MRPS11: variants seen among roughly 807,000 people sequenced by gnomAD.
The protein encoded by MRPS11 is mitochondrial ribosomal protein S11.
In MRPS11, 27 loss-of-function variants were observed where a neutral mutation model predicts 24.3. The ratio of observed to expected loss-of-function variants is 1.11; its 90% CI spans 0.82 to 1.53. The LOEUF (loss-of-function observed/expected upper bound fraction) is 1.53. Among genes scored for constraint, MRPS11 ranks in the 40% most tolerant of loss-of-function variants. MRPS11 has a pLI of 0.00. For synonymous variants in MRPS11, 104 were observed against 98.7 expected (o/e 1.05, Z -0.32); for missense variants, 277 against 256.5 (o/e 1.08, Z -0.55).
chr15:88,474,281 C>T (rs1272715103), intron 3 of MRPS11, among the ~76,000 whole-genome samples: 1 of 152,028 alleles, frequency 6.6e-6, no homozygotes, highest in African/African-American at 2.4e-5. Flanking sequence ...AATATGAGGC[C>T]GGGCGAGGTG....
At position 88,475,829 on chromosome 15, in the gene MRPS11, C is replaced by T. The variant is rs530743165; in HGVS notation, c.411+590C>T. Among the ~76,000 whole-genome samples, 7 of 151,766 alleles carry T rather than the reference C, an allele frequency of 4.6e-5. No individual in the cohort carries two copies. The East Asian group carries it at 9.7e-4, about 21-fold the overall frequency. On this transcript the variant is annotated intron_variant, in intron 4 of 5. Transcript: ENST00000325844. This position sits in a 1 kb window ranked among gnomAD's most constrained non-coding sequence, Gnocchi z 4.1. ...AAAATTAGCTGGGCGTGGTGGTGCGCGCCTGTAGTCCCAGGTACTCGGGAG... is the reference window on the plus strand; with the variant it reads ...AAAATTAGCTGGGCGTGGTGGTGCGTGCCTGTAGTCCCAGGTACTCGGGAG...
chr15:88,467,998 C>G lies in MRPS11; in HGVS notation c.156C>G (p.Asn52Lys), dbSNP rs1186725832. ...DAAAKQKVEQ[N>K]AAPSHTKFSI... ...CGGCCAAGCAGAAAGTTGAACAGAACGCGGCTCCCAGCCACACCAAGTTCA... is the reference window on the plus strand; with the variant it reads ...CGGCCAAGCAGAAAGTTGAACAGAAGGCGGCTCCCAGCCACACCAAGTTCA... The change falls in exon 2 of 6, where the codon AAC becomes AAG. Residue 52 changes from asparagine to lysine, a missense_variant. Transcript: ENST00000325844. 6.2e-7 allele frequency: 1 copy of G among 1,606,954 alleles called. No homozygotes were observed. Among genetic ancestry groups the G allele is most frequent in the Non-Finnish European group, 8.5e-7 (1 of 1,177,196 alleles).
chr15:88,479,133 G>C lies in MRPS11; in HGVS notation c.*1154G>C, dbSNP rs1234211105. ...AGCAAGTTGATAAGGAACCTGGGTAGTGCTGGCAGTGGGGCACAACTCAGG... is the reference window on the plus strand; with the variant it reads ...AGCAAGTTGATAAGGAACCTGGGTACTGCTGGCAGTGGGGCACAACTCAGG... On this transcript the variant is annotated 3_prime_UTR_variant, in exon 6 of 6. Transcript: ENST00000325844. 1.3e-5 allele frequency: 2 copies of C among 152,228 alleles called. No individual in the cohort carries two copies. The highest frequency in any genetic ancestry group is 4.8e-5 in the African/African-American group (2 of 41,458). 9.4% of individuals were successfully genotyped at this position (152,228 alleles called of 1,614,324 possible).
At chr15:88,468,447 G>A in intron 2 of MRPS11, 2 of 1,024,120 alleles carry the variant, frequency 2.0e-6, no homozygotes, top group Non-Finnish European at 2.4e-6. Flanking sequence ...TCAGCCCTAG[G>A]AACTGGCATC....
At chr15:88,474,285 C>G (rs1038990296) in intron 3 of MRPS11, among the ~76,000 whole-genome samples, 6 of 152,236 alleles carry the variant, frequency 3.9e-5, no homozygotes, top group African/African-American at 1.4e-4. Flanking sequence ...TGAGGCCGGG[C>G]GAGGTGGCTC....
Position 88,478,604 on chromosome 15 carries a change from T to G in MRPS11, c.*625T>G, listed in dbSNP as rs2055871833. 1 of 153,760 alleles carries G rather than the reference T, an allele frequency of 6.5e-6. No individual in the cohort carries two copies. The highest frequency in any genetic ancestry group is 1.4e-5 in the Non-Finnish European group (1 of 69,256). 9.5% of individuals were successfully genotyped at this position (153,760 alleles called of 1,614,324 possible). On this transcript the variant is annotated 3_prime_UTR_variant, in exon 6 of 6. Transcript: ENST00000325844. The surrounding 1 kb of genome is among the most constrained non-coding windows in gnomAD (Gnocchi z 4.7). ...AAGTGGACAGTCAAACTCCCCACAC[T>G]AAAGTGGCAGTCATCGTTTACACTC...
chr15:88,475,043 T>G lies in MRPS11; in HGVS notation c.282-67T>G. 1 of 1,576,260 alleles carries G rather than the reference T, an allele frequency of 6.3e-7. No homozygotes were observed. Among genetic ancestry groups the G allele is most frequent in the South Asian group, 1.2e-5 (1 of 86,530 alleles). ...TTTCTCACCCAGGCTTCTAGGGGCATAGATTAGCTCTCTCTTATTTCCCTG... is the reference window on the plus strand; with the variant it reads ...TTTCTCACCCAGGCTTCTAGGGGCAGAGATTAGCTCTCTCTTATTTCCCTG... On this transcript the variant is annotated intron_variant, in intron 3 of 5. Transcript: ENST00000325844. The surrounding 1 kb of genome is among the most constrained non-coding windows in gnomAD (Gnocchi z 4.1).
At chr15:88,470,059 G>A (rs1302979768) in intron 2 of MRPS11, among the ~76,000 whole-genome samples, 3 of 152,190 alleles carry the variant, frequency 2.0e-5, no homozygotes, top group Non-Finnish European at 4.4e-5. Flanking sequence ...GCTCACACCT[G>A]TAATCCCAGC....
At chr15:88,472,333 A>G (rs1047335869) in intron 2 of MRPS11, 11 of 263,968 alleles carry the variant, frequency 4.2e-5, no homozygotes, top group Non-Finnish European at 8.0e-5. Context: ...TCTGAAAATA[A>G]TGAACACGGG....
At chr15:88,472,826 G>T in intron 3 of MRPS11, 101 bp downstream of exon 3, 1 of 921,174 alleles carries the variant, frequency 1.1e-6, no homozygotes, top group East Asian at 2.7e-5. Context: ...TAGAAGTGAG[G>T]GTGCTAAGTG....
At chr15:88,468,183 C>G in intron 2 of MRPS11, 159 bp downstream of exon 2, 2 of 1,446,694 alleles carry the variant, frequency 1.4e-6, no homozygotes, top group South Asian at 1.4e-5. Flanking sequence ...TCTAAAAATG[C>G]GGATAATGCT....
Position 88,480,529 on chromosome 15 carries a change from C to T in MRPS11, c.*2550C>T, listed in dbSNP as rs1022584254. ...ATAGTTTTTAAAATGTTATTTTACTCACAAGAGGGCTTTGGAAAGGAAGAT... is the reference window on the plus strand; with the variant it reads ...ATAGTTTTTAAAATGTTATTTTACTTACAAGAGGGCTTTGGAAAGGAAGAT... On this transcript the variant is annotated 3_prime_UTR_variant, in exon 6 of 6. Coordinates refer to ENST00000325844, the MANE Select transcript of MRPS11 (RefSeq NM_022839.5). This position sits in a 1 kb window ranked among gnomAD's most constrained non-coding sequence, Gnocchi z 5.1. The T allele has an allele frequency of 4.6e-5, 7 of 152,152 alleles. No homozygotes were observed. The highest frequency in any genetic ancestry group is 1.7e-4 in the African/African-American group (7 of 41,416). The allele number at this position is 152,152 out of a possible 1,614,324, so 9.4% of individuals were successfully genotyped here. A position where few individuals can be genotyped will look rare whatever the true frequency, so the allele number is the denominator to read the frequency against.
chr15:88,468,574 C>G, intron 2 of MRPS11: 18 of 912,670 alleles, frequency 2.0e-5, no homozygotes, highest in Non-Finnish European at 2.4e-5. Context: ...TGCTAGGTGC[C>G]GTGAATACAG....
chr15:88,471,084 C>T (rs1821552788), intron 2 of MRPS11, among the ~76,000 whole-genome samples: 1 of 152,152 alleles, frequency 6.6e-6, no homozygotes, highest in South Asian at 2.1e-4. Flanking sequence ...GTAGTGGGAG[C>T]TGGGAGAAAG....
chr15:88,469,014 A>T lies in MRPS11; in HGVS notation c.182+990A>T, dbSNP rs1314807932. The T allele has an allele frequency of 8.4e-6, 1 of 118,756 alleles. No individual in the cohort carries two copies. Among genetic ancestry groups the T allele is most frequent in the Non-Finnish European group, 1.6e-5 (1 of 63,398 alleles). 7.4% of individuals were successfully genotyped at this position (118,756 alleles called of 1,614,324 possible). On this transcript the variant is annotated intron_variant, in intron 2 of 5. Transcript: ENST00000325844. The surrounding 1 kb of genome is among the most constrained non-coding windows in gnomAD (Gnocchi z 4.4). ...GACAGATTGAGACTCTGTCTCAAAG[A>T]AAAAAAAAAAAAAAAAGAATAAGTG...
Position 88,469,488 on chromosome 15 carries a change from C to T in MRPS11, c.182+1464C>T, listed in dbSNP as rs1207858618. Among the ~76,000 whole-genome samples, 4 of 152,190 alleles carry T rather than the reference C, an allele frequency of 2.6e-5. No individual in the cohort carries two copies. Among genetic ancestry groups the T allele is most frequent in the South Asian group, 4.1e-4 (2 of 4,824 alleles). ...AAACAAGTAAAATGTAGGAGTATAA[C>T]GGTTGGAAAGGGGAAGTGGGGGTCA... On this transcript the variant is annotated intron_variant, in intron 2 of 5. Transcript: ENST00000325844. The surrounding 1 kb of genome is among the most constrained non-coding windows in gnomAD (Gnocchi z 4.4).
At chr15:88,476,696 T>G (rs2055829660) in intron 4 of MRPS11, 1 of 329,090 alleles carries the variant, frequency 3.0e-6, no homozygotes, top group Admixed American at 4.6e-5. Context: ...GGTCTGAAAT[T>G]CTGCATTTGC....
chr15:88,476,034 C>T (rs1052199792), intron 4 of MRPS11, among the ~76,000 whole-genome samples: 5 of 152,106 alleles, frequency 3.3e-5, no homozygotes, highest in Admixed American at 2.6e-4. Flanking sequence ...GACATAGTAT[C>T]GTGGGGACTC....
chr15:88,471,778 C>CA (rs1326148692), intron 2 of MRPS11, among the ~76,000 whole-genome samples: 1 of 152,170 alleles, frequency 6.6e-6, no homozygotes, highest in Non-Finnish European at 1.5e-5. Flanking sequence ...TGGACTAAGA[C>CA]AGTGGAAGAT....
Sources: allele counts gnomAD v4.1 joint callset (sites outside exome capture counted in the v4.1 genomes callset), GRCh38; gene constraint gnomAD v4.1.1; non-coding constraint Gnocchi (gnomAD v3.1); transcripts MANE v1.5; gene names NCBI Gene and HGNC (gene_info 2026-07-23, HGNC 2026-07-21).